The following MAPT variants were observed in gnomAD, a reference collection of about 807,000 sequenced individuals.
MAPT encodes the protein microtubule-associated protein tau.
A neutral mutation model predicts 67.9 loss-of-function variants in MAPT; 34 were observed. The observed-to-expected ratio is 0.50, with a 90% CI of 0.38 to 0.67. The LOEUF is 0.67. MAPT is among the 30% of genes least tolerant of loss of function. The probability of loss-of-function intolerance (pLI) is 0.00; values close to 1 mark genes in which losing one functional copy is unlikely to be tolerated. For synonymous variants in MAPT, 456 were observed against 464.5 expected (o/e 0.98, Z 0.23); for missense variants, 881 against 1,115.2 (o/e 0.79, Z 2.99).
chr17:45,904,275 T>A (rs2064078031), intron 1 of MAPT, among the ~76,000 whole-genome samples: 2 of 46,138 alleles, frequency 4.3e-5, no homozygotes, highest in African/African-American at 1.3e-4. Flanking sequence ...TATATATTTT[T>A]ATATATATAA....
At position 46,010,725 on chromosome 17, in the gene MAPT, A is replaced by G. The variant is rs1223713271; in HGVS notation, c.2091+323A>G. 6.6e-6 allele frequency among the ~76,000 whole-genome samples: 1 copy of G among 152,162 alleles called. No homozygotes were observed. The highest frequency in any genetic ancestry group is 1.5e-5 in the Non-Finnish European group (1 of 68,020). On this transcript the variant is annotated intron_variant, in intron 10 of 12. Transcript: ENST00000262410. The surrounding 1 kb of genome is among the most constrained non-coding windows in gnomAD (Gnocchi z 4.7). ...GCCTGGGAAGCTGAGAATACCCATC[A>G]AAGTCTCCTTCCACTCATGCCCAGC... is the stretch of plus-strand genomic sequence containing the variant.
At position 46,027,748 on chromosome 17, in the gene MAPT, C is replaced by A. The variant is rs2076875600; in HGVS notation, c.*3577C>A. 6.6e-6 allele frequency: 1 copy of A among 152,274 alleles called. No individual in the cohort carries two copies. The highest frequency in any genetic ancestry group is 6.5e-5 in the Admixed American group (1 of 15,280). 9.4% of individuals were successfully genotyped at this position (152,274 alleles called of 1,614,324 possible). On this transcript the variant is annotated 3_prime_UTR_variant, in exon 13 of 13. Transcript: ENST00000262410. Reference sequence around the variant, plus strand: ...GCTGGCTAGTTCATTCCCTCCCCAGCCAGGTGCAGGCGTAGGAATATGGAC... The same window carrying A: ...GCTGGCTAGTTCATTCCCTCCCCAGACAGGTGCAGGCGTAGGAATATGGAC...
At position 45,961,885 on chromosome 17, in the gene MAPT, C is replaced by T. The variant is rs550161188; in HGVS notation, c.-17-436C>T. Among the ~76,000 whole-genome samples, 179 of 151,980 alleles carry T rather than the reference C, an allele frequency of 1.2e-3. 3 individuals are homozygous for T. Among genetic ancestry groups the T allele is most frequent in the South Asian group, 4.4e-3 (21 of 4,812 alleles). On this transcript the variant is annotated intron_variant, in intron 1 of 12. Coordinates refer to ENST00000262410, the MANE Select transcript of MAPT (RefSeq NM_001377265.1). ...CCACCTGCCAGGTTCAATTGATTCT[C>T]CTGCCTCAGCCTCCCCAGTAGCTGG...
At chr17:46,008,456 T>C (rs78358652) in intron 9 of MAPT, among the ~76,000 whole-genome samples, 6 of 152,142 alleles carry the variant, frequency 3.9e-5, no homozygotes, top group Non-Finnish European at 8.8e-5. Flanking sequence ...CAAGTATAGG[T>C]ATACAGGGGT....
At chr17:46,000,636 G>C (rs2074924526) in intron 9 of MAPT, among the ~76,000 whole-genome samples, 1 of 152,184 alleles carries the variant, frequency 6.6e-6, no homozygotes, top group Non-Finnish European at 1.5e-5. Context: ...GGCCTCCCCT[G>C]GGTGACTCTA....
intron 1 of MAPT, among the ~76,000 whole-genome samples, chr17:45,904,682 G>A (rs992129036): frequency 1.4e-5 from 2 of 146,844 alleles, no homozygotes; most frequent in African/African-American, 4.9e-5. Flanking sequence ...ACACAGCAAG[G>A]CCCTGTCTCT....
chr17:46,013,497 G>A (rs567384450), intron 10 of MAPT, among the ~76,000 whole-genome samples: 18 of 152,334 alleles, frequency 1.2e-4, no homozygotes, highest in Admixed American at 4.6e-4. Flanking sequence ...GCGTCCGCTC[G>A]AGCTTACTGA....
At chr17:46,014,217 TCTC>T in intron 10 of MAPT, 23 bp from the exon 11 acceptor site, 1 of 1,412,760 alleles carries the variant, frequency 7.1e-7, no homozygotes, top group Non-Finnish European at 1.0e-6. Flanking sequence ...CCTTTCCTCT[TCTC>T]TCTCCTCCTC....
intron 9 of MAPT, among the ~76,000 whole-genome samples, chr17:46,001,913 G>A (rs1350454220): frequency 6.6e-6 from 1 of 152,190 alleles, no homozygotes; most frequent in Non-Finnish European, 1.5e-5. Context: ...GCAAGCCAGA[G>A]AAGACAGGCA....
chr17:46,015,314 C>T (rs1410964624), intron 11 of MAPT, among the ~76,000 whole-genome samples: 6 of 147,792 alleles, frequency 4.1e-5, no homozygotes, highest in East Asian at 2.0e-4. Context: ...GAGCCGAGAT[C>T]TTGCCACTGC....
At chr17:46,015,919 C>T (rs1598399889) in intron 11 of MAPT, among the ~76,000 whole-genome samples, 1 of 152,260 alleles carries the variant, frequency 6.6e-6, no homozygotes, top group East Asian at 1.9e-4. Context: ...GCCTTAACCC[C>T]TAACCCGTTG....
chr17:45,917,218 T>C (rs1490155555), intron 1 of MAPT, among the ~76,000 whole-genome samples: 1 of 152,226 alleles, frequency 6.6e-6, no homozygotes, highest in Non-Finnish European at 1.5e-5. Context: ...TGATAAACCA[T>C]TCTGCTTTGC....
At chr17:45,956,023 A>C (rs2069611796) in intron 1 of MAPT, among the ~76,000 whole-genome samples, 2 of 152,208 alleles carry the variant, frequency 1.3e-5, no homozygotes, top group South Asian at 4.1e-4. Flanking sequence ...GGTGTGAGCC[A>C]TGGGGCCTAG....
chr17:45,999,528 C>T, intron 9 of MAPT: 1 of 1,613,830 alleles, frequency 6.2e-7, no homozygotes, highest in South Asian at 1.1e-5. Flanking sequence ...CTGAAGAGAG[C>T]AGCAGGAATG....
rs1392322701 is a variant in MAPT, at chr17:46,026,992, G to A, written c.*2821G>A. 1 of 152,172 alleles carries A rather than the reference G, an allele frequency of 6.6e-6. No individual in the cohort carries two copies. The highest frequency in any genetic ancestry group is 1.9e-4 in the East Asian group (1 of 5,190). 9.4% of individuals were successfully genotyped at this position (152,172 alleles called of 1,614,324 possible). A position where few individuals can be genotyped will look rare whatever the true frequency, so the allele number is the denominator to read the frequency against. ...GCTTTACCTGAAAGGAAGTCTCTGG[G>A]CCCAGAACTCTCCACCAAGAGCCTC... On this transcript the variant is annotated 3_prime_UTR_variant, in exon 13 of 13. Coordinates refer to ENST00000262410, the MANE Select transcript of MAPT (RefSeq NM_001377265.1).
At chr17:46,019,820 T>G (rs1179008221) in intron 12 of MAPT, among the ~76,000 whole-genome samples, 1 of 151,706 alleles carries the variant, frequency 6.6e-6, no homozygotes, top group Non-Finnish European at 1.5e-5. Flanking sequence ...AAGACCAGCC[T>G]GGCCAACATG....
In MAPT at chr17:45,897,555, C is replaced by T. The variant is rs540095885; in HGVS notation, c.-18+2869C>T. 1 of 152,308 alleles carries T rather than the reference C, an allele frequency of 6.6e-6. No homozygotes were observed. The highest frequency in any genetic ancestry group is 2.1e-4 in the South Asian group (1 of 4,820). 9.4% of individuals were successfully genotyped at this position (152,308 alleles called of 1,614,324 possible). ...GACCTCGAGGGATGCAGCTTTTGCG[C>T]GGATGACGGTGGGGTGCTGAACCAG... is the stretch of plus-strand genomic sequence containing the variant. On this transcript the variant is annotated intron_variant, in intron 1 of 12. Transcript: ENST00000262410. The surrounding 1 kb of genome is among the most constrained non-coding windows in gnomAD (Gnocchi z 5.0).
intron 1 of MAPT, among the ~76,000 whole-genome samples, chr17:45,933,238 T>A: frequency 1.5e-5 from 2 of 129,744 alleles, no homozygotes; most frequent in Non-Finnish European, 1.7e-5. Context: ...TTGAACTCTC[T>A]CTCTCCCTTT....
chr17:45,945,767 C>T (rs1178847440), intron 1 of MAPT, among the ~76,000 whole-genome samples: 3 of 151,884 alleles, frequency 2.0e-5, no homozygotes, highest in East Asian at 1.9e-4. Flanking sequence ...GAGCCGAGAT[C>T]GCACCACTGT....
Sources: allele counts gnomAD v4.1 joint callset (sites outside exome capture counted in the v4.1 genomes callset), GRCh38; gene constraint gnomAD v4.1.1; non-coding constraint Gnocchi (gnomAD v3.1); transcripts MANE v1.5; gene names NCBI Gene and HGNC (gene_info 2026-07-23, HGNC 2026-07-21).